The following STK32B variants were observed in gnomAD, a reference collection of about 807,000 sequenced individuals.
The protein encoded by STK32B is serine/threonine-protein kinase 32B.
In STK32B, 43 loss-of-function variants were observed where a neutral mutation model predicts 52.6. The observed-to-expected ratio is 0.82, with a 90% CI of 0.64 to 1.05. The LOEUF is 1.05. Ranked by LOEUF, STK32B falls within the 50% of genes least tolerant of loss-of-function variation. The pLI is 0.00. For synonymous variants in STK32B, 238 were observed against 204.3 expected, an observed-to-expected ratio of 1.17 and a Z score of -1.41; for missense variants, 621 against 534.6, an observed-to-expected ratio of 1.16 and a Z score of -1.59.
At chr4:5,047,018 A>G (rs923751584), upstream of STK32B, among the ~76,000 whole-genome samples, 111 of 152,196 alleles carry the variant, frequency 7.3e-4, 1 homozygote, top group Non-Finnish European at 1.2e-4. Context: ...AAATCATTCT[A>G]CTATAAGGAC....
At chr4:5,071,486 G>A (rs1243168862) in intron 1 of STK32B, among the ~76,000 whole-genome samples, 3 of 152,080 alleles carry the variant, frequency 2.0e-5, no homozygotes, top group South Asian at 2.1e-4. Context: ...ATCCTCTACC[G>A]TTCATTTAAG....
chr4:5,153,759 C>T (rs958291548), intron 2 of STK32B, among the ~76,000 whole-genome samples: 28 of 152,078 alleles, frequency 1.8e-4, no homozygotes, highest in African/African-American at 5.6e-4. Flanking sequence ...TATTCACAGA[C>T]TTATGTTTTT....
chr4:5,307,447 A>G (rs915878465), intron 3 of STK32B, among the ~76,000 whole-genome samples: 1 of 150,180 alleles, frequency 6.7e-6, no homozygotes, highest in Non-Finnish European at 1.5e-5. Flanking sequence ...TTTCCAGTGC[A>G]TTTTGCATTT....
intron 4 of STK32B, among the ~76,000 whole-genome samples, chr4:5,339,296 G>A (rs1732915379): frequency 6.6e-6 from 1 of 152,134 alleles, no homozygotes; most frequent in African/African-American, 2.4e-5. Context: ...TGTTATATAT[G>A]TATATCTATA....
At chr4:5,072,265 T>C (rs1165098922) in intron 1 of STK32B, among the ~76,000 whole-genome samples, 1 of 152,152 alleles carries the variant, frequency 6.6e-6, no homozygotes, top group Non-Finnish European at 1.5e-5. Context: ...AAAATTTTAA[T>C]TGGCAACCCC....
In STK32B at chr4:5,459,282, G is replaced by GCC. The variant is rs55688341; in HGVS notation, c.784-810_784-809dup. On this transcript the variant is annotated intron_variant, in intron 8 of 11. Coordinates refer to ENST00000282908, the MANE Select transcript of STK32B (RefSeq NM_018401.3). Reference sequence around the variant, plus strand: ...CAGCTCCACCTGTGGACCCTGGTGTGCCCCCCCCCCCCACCTTTCTAAGTA... The same window carrying GCC: ...CAGCTCCACCTGTGGACCCTGGTGTGCCCCCCCCCCCCCCACCTTTCTAAGTA... Among the ~76,000 whole-genome samples the GCC allele has an allele frequency of 6.2e-3, 824 of 132,816 alleles. 32 individuals are homozygous for GCC. The highest frequency in any genetic ancestry group is 0.016 in the South Asian group (55 of 3,524). The allele number at this position is 132,816 out of a possible 152,430, so 87.1% of individuals were successfully genotyped here.
At chr4:5,373,991 G>T (rs1481447349) in intron 4 of STK32B, among the ~76,000 whole-genome samples, 5 of 152,210 alleles carry the variant, frequency 3.3e-5, no homozygotes, top group Admixed American at 2.6e-4. Context: ...GAATAAGGAT[G>T]AGGTCATACT....
At chr4:5,327,923 T>G (rs1346988786) in intron 3 of STK32B, among the ~76,000 whole-genome samples, 1 of 152,266 alleles carries the variant, frequency 6.6e-6, no homozygotes, top group Non-Finnish European at 1.5e-5. Context: ...TGTATTCACC[T>G]TCACCAGTGA....
chr4:5,188,863 G>A (rs1241558612), intron 3 of STK32B, among the ~76,000 whole-genome samples: 1 of 150,404 alleles, frequency 6.6e-6, no homozygotes, highest in African/African-American at 2.5e-5. Flanking sequence ...GGGCCTGTCA[G>A]GGGGTGGGGG....
chr4:5,421,175 C>T (rs1333724552), intron 6 of STK32B, among the ~76,000 whole-genome samples: 1 of 150,626 alleles, frequency 6.6e-6, no homozygotes, highest in Non-Finnish European at 1.5e-5. Flanking sequence ...CTGCAAACTC[C>T]ACCTCCTGGG....
chr4:5,024,469 T>C, the STK32B span, among the ~76,000 whole-genome samples: 1 of 152,162 alleles, frequency 6.6e-6, no homozygotes, highest in Non-Finnish European at 1.5e-5. Flanking sequence ...TCTCTTAATA[T>C]CTCTCTGCCA....
rs928793290 is a variant in STK32B at position 5,467,748 on chromosome 4, C to T, written c.1042-258C>T. Among the ~76,000 whole-genome samples, 2 of 152,178 alleles carry T rather than the reference C, an allele frequency of 1.3e-5. No individual in the cohort carries two copies. The highest frequency in any genetic ancestry group is 4.8e-5 in the African/African-American group (2 of 41,434). On this transcript the variant is annotated intron_variant, in intron 10 of 11. Transcript: ENST00000282908. This position sits in a 1 kb window ranked among gnomAD's most constrained non-coding sequence, Gnocchi z 5.8. ...AGGAAAATAAGCTCATGAATTTCAG[C>T]CCATATTCCATTCTAACATGGCTTT...
the STK32B span, among the ~76,000 whole-genome samples, chr4:5,023,360 C>G: frequency 6.6e-6 from 1 of 152,176 alleles, no homozygotes; most frequent in Non-Finnish European, 1.5e-5. Context: ...CCAGATCTAC[C>G]TGCCTGCTGC....
intron 5 of STK32B, among the ~76,000 whole-genome samples, chr4:5,401,217 T>C (rs1737271220): frequency 6.6e-6 from 1 of 152,194 alleles, no homozygotes; most frequent in African/African-American, 2.4e-5. Flanking sequence ...CAGGACAGTA[T>C]GTGTTCCTAA....
intron 3 of STK32B, among the ~76,000 whole-genome samples, chr4:5,172,116 T>A (rs559756299): frequency 2.0e-5 from 3 of 150,658 alleles, no homozygotes; most frequent in South Asian, 2.1e-4. Flanking sequence ...GTTTGTCTGT[T>A]GTTGGTGTAT....
At chr4:5,285,056 A>G (rs1379241279) in intron 3 of STK32B, among the ~76,000 whole-genome samples, 1 of 152,238 alleles carries the variant, frequency 6.6e-6, no homozygotes, top group Admixed American at 6.5e-5. Context: ...ATCAATATAA[A>G]GTACAGTATT....
At chr4:5,284,231 T>C (rs769774841) in intron 3 of STK32B, among the ~76,000 whole-genome samples, 2 of 152,116 alleles carry the variant, frequency 1.3e-5, no homozygotes, top group Non-Finnish European at 2.9e-5. Flanking sequence ...CTGTAGTAGC[T>C]GCTCAAAACA....
At chr4:5,103,039 TCAAATGTA>T (rs1276965442) in intron 1 of STK32B, among the ~76,000 whole-genome samples, 2 of 150,584 alleles carry the variant, frequency 1.3e-5, no homozygotes, top group African/African-American at 4.9e-5. Flanking sequence ...GTAGAAATAT[TCAAATGTA>T]CCACTCCAAA....
At chr4:5,066,610 A>C (rs1742435127) in intron 1 of STK32B, among the ~76,000 whole-genome samples, 2 of 152,190 alleles carry the variant, frequency 1.3e-5, no homozygotes, top group Admixed American at 6.5e-5. Flanking sequence ...TCACTGAATG[A>C]GTTCAATTAG....
Sources: gnomAD v4.1 joint callset for allele counts (sites outside exome capture counted in the v4.1 genomes callset) on GRCh38, gnomAD v4.1.1 for gene constraint, Gnocchi (gnomAD v3.1) non-coding constraint, MANE v1.5 for transcripts, NCBI Gene and HGNC (gene_info 2026-07-23, HGNC 2026-07-21) for gene names.